Variants in NFATC1 observed in about 807,000 individuals in gnomAD.
The protein encoded by NFATC1 is nuclear factor of activated T cells 1, also known as nuclear factor of activated T-cells, cytoplasmic 1.
Under a neutral mutation model 76.0 loss-of-function variants are expected in NFATC1, and 22 were observed. The observed-to-expected ratio is 0.29, with a 90% CI of 0.21 to 0.41. NFATC1 has a LOEUF of 0.41. NFATC1 is among the 10% of genes least tolerant of loss of function. The pLI, the probability that NFATC1 is intolerant of heterozygous loss-of-function variation, is 1.00. For synonymous variants in NFATC1, 704 were observed against 613.1 expected (o/e 1.15, Z -2.19); for missense variants, 1,357 against 1,337.7 (o/e 1.01, Z -0.23).
At chr18:79,452,950 C>A (rs1266619313) in intron 6 of NFATC1, among the ~76,000 whole-genome samples, 1 of 152,202 alleles carries the variant, frequency 6.6e-6, no homozygotes, top group Admixed American at 6.5e-5. Flanking sequence ...GTACAGTTTG[C>A]CGGAAACTTA....
At chr18:79,431,343 A>G (rs2086580887) in intron 2 of NFATC1, among the ~76,000 whole-genome samples, 1 of 152,138 alleles carries the variant, frequency 6.6e-6, no homozygotes, top group Non-Finnish European at 1.5e-5. Context: ...CGAGTCTTCT[A>G]TTCTGCCCAT....
At chr18:79,461,279 A>G (rs1600797948) in intron 6 of NFATC1, 32 bp from the exon 7 acceptor site, 1 of 1,613,488 alleles carries the variant, frequency 6.2e-7, no homozygotes. Flanking sequence ...CACCACACAG[A>G]GTCACAGACG....
intron 9 of NFATC1, among the ~76,000 whole-genome samples, chr18:79,506,499 G>A (rs2145155183): frequency 6.6e-6 from 1 of 152,340 alleles, no homozygotes. Context: ...TCTTCACAGG[G>A]CCTGAGAGCT....
chr18:79,435,800 G>A lies in NFATC1; in HGVS notation c.1386+2062G>A, dbSNP rs971615243. On this transcript the variant is annotated intron_variant, in intron 3 of 9. Coordinates refer to ENST00000427363, the MANE Select transcript of NFATC1 (RefSeq NM_001278669.2). ...TCCAAATCAAGTGGCCCGTGTGTGC[G>A]CAGCAGCGACACGGGAGAGGCTGGC... 3.9e-5 allele frequency among the ~76,000 whole-genome samples: 6 copies of A among 152,230 alleles called. No individual in the cohort carries two copies. The East Asian group carries it at 5.8e-4, about 15-fold the overall frequency.
intron 9 of NFATC1, among the ~76,000 whole-genome samples, chr18:79,506,616 G>A (rs2090126411): frequency 6.6e-6 from 1 of 152,234 alleles, no homozygotes; most frequent in South Asian, 2.1e-4. Context: ...ACCATGTCCT[G>A]TAGGGAGTGT....
At chr18:79,511,703 C>T (rs1471264911) in intron 9 of NFATC1, among the ~76,000 whole-genome samples, 1 of 152,184 alleles carries the variant, frequency 6.6e-6, no homozygotes, top group Non-Finnish European at 1.5e-5. Context: ...AGGTGCTCCC[C>T]TGGCTGCAGC....
At chr18:79,453,394 G>A (rs974514208) in intron 6 of NFATC1, among the ~76,000 whole-genome samples, 1 of 152,260 alleles carries the variant, frequency 6.6e-6, no homozygotes, top group Non-Finnish European at 1.5e-5. Context: ...CTGAGTTGGT[G>A]CCACGGCGCC....
intron 9 of NFATC1, among the ~76,000 whole-genome samples, chr18:79,499,099 A>T (rs1024561114): frequency 6.6e-6 from 1 of 152,232 alleles, no homozygotes; most frequent in Non-Finnish European, 1.5e-5. Context: ...CATGTTTTAA[A>T]CTTTTCTTCT....
At chr18:79,497,165 G>T (rs1292077817) in intron 9 of NFATC1, 1 of 152,260 alleles carries the variant, frequency 6.6e-6, no homozygotes, top group African/African-American at 2.4e-5. Flanking sequence ...CCATAAGAAG[G>T]ACTGGAGAGA....
At chr18:79,413,778 ACAGCC>A (rs1389312058) in intron 2 of NFATC1, among the ~76,000 whole-genome samples, 1 of 152,130 alleles carries the variant, frequency 6.6e-6, no homozygotes, top group Non-Finnish European at 1.5e-5. Context: ...TCTGGCAGGC[ACAGCC>A]CCTCCTGTCC....
Position 79,410,344 on chromosome 18 carries a change from G to C in NFATC1, c.128-59G>C. The C allele has an allele frequency of 1.9e-6, 3 of 1,546,670 alleles. No homozygotes were observed. The Admixed American group carries it at 5.5e-5, about 29-fold the overall frequency. On this transcript the variant is annotated intron_variant, in intron 1 of 9. Coordinates refer to ENST00000427363, the MANE Select transcript of NFATC1 (RefSeq NM_001278669.2). The surrounding 1 kb of genome is among the most constrained non-coding windows in gnomAD (Gnocchi z 6.7). ...GTTGCTGGCCGGCCCTGAGTTCATG[G>C]GTTTCTGCTTTGTGATGCCCAGCCC...
chr18:79,416,521 C>T (rs1327758159), intron 2 of NFATC1, among the ~76,000 whole-genome samples: 1 of 152,186 alleles, frequency 6.6e-6, no homozygotes, highest in African/African-American at 2.4e-5. Flanking sequence ...TGAACATAGT[C>T]TCTAAGGCGT....
At chr18:79,411,531 A>AGGCGAGGGGAGGCGC in intron 2 of NFATC1, 30 bp downstream of exon 2, 1 of 1,352,784 alleles carries the variant, frequency 7.4e-7, no homozygotes. Context: ...CGGGACGGGG[A>AGGCGAGGGGAGGCGC]GGCGAGGGGA....
At chr18:79,396,767 G>A (rs2085019531) in intron 1 of NFATC1, among the ~76,000 whole-genome samples, 1 of 151,840 alleles carries the variant, frequency 6.6e-6, no homozygotes, top group Admixed American at 6.5e-5. Context: ...GCCACCCTCT[G>A]GCGCCAAGAT....
In NFATC1 at chr18:79,465,865, G is replaced by A. The variant is rs1600821500; in HGVS notation, c.1960-1585G>A. 6.6e-6 allele frequency among the ~76,000 whole-genome samples: 1 copy of A among 152,256 alleles called. No homozygotes were observed. Among genetic ancestry groups the A allele is most frequent in the Admixed American group, 6.5e-5 (1 of 15,290 alleles). On this transcript the variant is annotated intron_variant, in intron 7 of 9. Transcript: ENST00000427363. The surrounding 1 kb of genome is among the most constrained non-coding windows in gnomAD (Gnocchi z 4.2). ...GCCCAGGAGATGGCCCAGACCCACAGTGCTCTGGGGGCAGCCCAGGCCCCG... is the reference window on the plus strand; with the variant it reads ...GCCCAGGAGATGGCCCAGACCCACAATGCTCTGGGGGCAGCCCAGGCCCCG...
rs112044619 is a variant in NFATC1, at chr18:79,522,916, C to T, written c.2783-4612C>T. Among the ~76,000 whole-genome samples, 570 of 152,324 alleles carry T rather than the reference C, an allele frequency of 3.7e-3. 4 individuals carry two copies. The highest frequency in any genetic ancestry group is 0.013 in the African/African-American group (535 of 41,582). ...TGGCTTGCCCAGCGGGGCCCCAGGC[C>T]GCCATCTGGGAGGATCTGGGGGCAG... On this transcript the variant is annotated intron_variant, in intron 9 of 9. Coordinates refer to ENST00000427363, the MANE Select transcript of NFATC1 (RefSeq NM_001278669.2).
At chr18:79,436,101 G>A (rs1480863335) in intron 3 of NFATC1, among the ~76,000 whole-genome samples, 3 of 152,228 alleles carry the variant, frequency 2.0e-5, no homozygotes, top group Non-Finnish European at 4.4e-5. Context: ...AAACAAACGA[G>A]AATAGAAAGC....
At chr18:79,443,088 G>A (rs9675464) in intron 3 of NFATC1, among the ~76,000 whole-genome samples, 3,817 of 152,332 alleles carry the variant, frequency 0.025, 62 homozygotes, top group South Asian at 0.051. Context: ...AGTCGCGGCT[G>A]GAAGGTCCCT....
intron 9 of NFATC1, among the ~76,000 whole-genome samples, chr18:79,520,901 G>A (rs2090528900): frequency 8.3e-6 from 1 of 120,506 alleles, no homozygotes; most frequent in Non-Finnish European, 1.7e-5. Flanking sequence ...TGTGTGTGTA[G>A]GAGGGGAGCA....
Sources: gnomAD v4.1 joint callset for allele counts (sites outside exome capture counted in the v4.1 genomes callset) on GRCh38, gnomAD v4.1.1 for gene constraint, Gnocchi (gnomAD v3.1) non-coding constraint, MANE v1.5 for transcripts, NCBI Gene and HGNC (gene_info 2026-07-23, HGNC 2026-07-21) for gene names.